Variants in TACC2 observed in about 807,000 individuals in gnomAD.
TACC2 encodes the protein transforming acidic coiled-coil containing protein 2.
A neutral mutation model predicts 227.3 loss-of-function variants in TACC2; 137 were observed. The ratio of observed to expected loss-of-function variants is 0.60; its 90% CI spans 0.52 to 0.69. TACC2 has a LOEUF of 0.69. Ranked by LOEUF, TACC2 falls within the 30% of genes least tolerant of loss-of-function variation. TACC2 has a pLI of 0.00. For missense variants in TACC2, 3,470 were observed against 3,694.4 expected (o/e 0.94, Z 1.57); for synonymous variants, 1,523 against 1,487.5 (o/e 1.02, Z -0.55).
chr10:122,134,790 G>A (rs902318520), intron 6 of TACC2, among the ~76,000 whole-genome samples: 5 of 152,216 alleles, frequency 3.3e-5, no homozygotes, highest in African/African-American at 1.2e-4. Context: ...GCGGGGGCAC[G>A]AGGAAGCTCT....
chr10:122,198,780 C>T (rs962063067), intron 8 of TACC2, among the ~76,000 whole-genome samples: 27 of 152,220 alleles, frequency 1.8e-4, no homozygotes, highest in African/African-American at 2.7e-4. Context: ...TGCCTTTGTG[C>T]GCCTAGCCTG....
In TACC2 at chr10:122,249,582, A is replaced by G. The variant is rs1316975899; in HGVS notation, c.8699A>G (p.Gln2900Arg). The G allele has an allele frequency of 1.2e-6, 2 of 1,614,184 alleles. No individual in the cohort carries two copies. Among genetic ancestry groups the G allele is most frequent in the South Asian group, 1.1e-5 (1 of 91,078 alleles). ...AEIAQVRGKA[Q>R]QEQAAHQASL... ...ATTGCTCAGGTTCGAGGCAAGGCCC[A>G]GCAGGAGCAAGCCGCCCACCAGGCC... The change falls in exon 22 of 23, where the codon CAG becomes CGG. Residue 2900 changes from glutamine (Q) to arginine (R), a missense_variant. Coordinates refer to ENST00000369005, the MANE Select transcript of TACC2 (RefSeq NM_206862.4).
intron 11 of TACC2, among the ~76,000 whole-genome samples, chr10:122,222,457 G>A (rs7072025): frequency 0.21 from 31,916 of 152,176 alleles, 3,691 homozygotes; most frequent in African/African-American, 0.31. Flanking sequence ...GATTGATGGG[G>A]AGGAGTGCGG....
intron 5 of TACC2, among the ~76,000 whole-genome samples, chr10:122,128,585 GAGTAC>G (rs2087344767): frequency 6.6e-6 from 1 of 152,202 alleles, no homozygotes; most frequent in Non-Finnish European, 1.5e-5. Context: ...TGGAAAATAT[GAGTAC>G]AGAAGTGGGG....
intron 4 of TACC2, 32 bp downstream of exon 4, chr10:122,087,991 T>G: frequency 6.7e-7 from 1 of 1,492,726 alleles, no homozygotes; most frequent in Non-Finnish European, 8.9e-7. Flanking sequence ...CACGGGAATG[T>G]GTGGTCAGTT....
At chr10:122,137,008 T>C (rs1321936977) in intron 6 of TACC2, among the ~76,000 whole-genome samples, 2 of 151,546 alleles carry the variant, frequency 1.3e-5, no homozygotes, top group African/African-American at 4.8e-5. Context: ...TCAAGAGCTC[T>C]TTTTTTTTCT....
chr10:122,082,913 C>T lies in TACC2; in HGVS notation c.413C>T (p.Pro138Leu). The change falls in exon 4 of 23, where the codon CCC (proline) becomes CTC (leucine). Residue 138 changes from proline to leucine, a missense_variant. Transcript: ENST00000369005. ...APEDGPQTQS[P>L]RREPAPNAPG... is the part of the protein sequence containing the mutation. Reference sequence around the variant, plus strand: ...GAAGATGGTCCTCAGACTCAGTCTCCCAGGAGGGAACCTGCCCCAAATGCC... The same window carrying T: ...GAAGATGGTCCTCAGACTCAGTCTCTCAGGAGGGAACCTGCCCCAAATGCC... The T allele has an allele frequency of 1.2e-6, 2 of 1,613,178 alleles. No individual in the cohort carries two copies. Among genetic ancestry groups the T allele is most frequent in the Non-Finnish European group, 1.7e-6 (2 of 1,180,020 alleles).
chr10:122,025,750 A>G (rs1957914237), intron 2 of TACC2, among the ~76,000 whole-genome samples: 1 of 149,100 alleles, frequency 6.7e-6, no homozygotes, highest in Admixed American at 6.7e-5. Flanking sequence ...AATTTTTTGT[A>G]TTTTTAGTAG....
intron 1 of TACC2, among the ~76,000 whole-genome samples, chr10:122,017,589 G>A (rs1395073951): frequency 6.6e-6 from 1 of 152,136 alleles, no homozygotes; most frequent in East Asian, 1.9e-4. Flanking sequence ...GGCTGAGGCA[G>A]GCGGATCGCT....
intron 8 of TACC2, among the ~76,000 whole-genome samples, chr10:122,206,621 G>C (rs935491156): frequency 6.6e-6 from 1 of 152,192 alleles, no homozygotes; most frequent in Non-Finnish European, 1.5e-5. Context: ...GGTTTAAACC[G>C]CCCAGTCTGT....
In TACC2 at chr10:122,141,127, C is replaced by T. The variant is rs1330300290; in HGVS notation, c.5700-2445C>T. Among the ~76,000 whole-genome samples, 1 of 152,036 alleles carries T rather than the reference C, an allele frequency of 6.6e-6. No homozygotes were observed. The highest frequency in any genetic ancestry group is 2.4e-5 in the African/African-American group (1 of 41,370). ...AGAGAACTGGAAGTCAGTGCCAGGGCCTGGCGGGCTGATGGTGCCACTACC... is the reference window on the plus strand; with the variant it reads ...AGAGAACTGGAAGTCAGTGCCAGGGTCTGGCGGGCTGATGGTGCCACTACC... On this transcript the variant is annotated intron_variant, in intron 6 of 22. Coordinates refer to ENST00000369005, the MANE Select transcript of TACC2 (RefSeq NM_206862.4). The surrounding 1 kb of genome is among the most constrained non-coding windows in gnomAD (Gnocchi z 4.3).
chr10:122,227,618 G>A (rs1370568240), intron 13 of TACC2, among the ~76,000 whole-genome samples: 1 of 152,162 alleles, frequency 6.6e-6, no homozygotes, highest in African/African-American at 2.4e-5. Context: ...GCAGAGCTCG[G>A]GTCTGTAGCC....
chr10:122,152,483 C>T (rs1226294886), intron 7 of TACC2, among the ~76,000 whole-genome samples: 1 of 152,206 alleles, frequency 6.6e-6, no homozygotes, highest in Non-Finnish European at 1.5e-5. Context: ...TGTACTAACC[C>T]CATATGTGTC....
chr10:122,092,189 C>G (rs1167114092), intron 5 of TACC2, among the ~76,000 whole-genome samples: 1 of 152,162 alleles, frequency 6.6e-6, no homozygotes, highest in African/African-American at 2.4e-5. Flanking sequence ...CTTTCTTTTC[C>G]AGCGTTGAAT....
intron 20 of TACC2, 49 bp downstream of exon 20, chr10:122,248,852 G>A: frequency 6.2e-7 from 1 of 1,607,808 alleles, no homozygotes; most frequent in Non-Finnish European, 8.5e-7. Context: ...GATTGGGAGA[G>A]ATTGTGGGAG....
intron 8 of TACC2, among the ~76,000 whole-genome samples, chr10:122,196,932 TCAAAAAAAAAAAAAAAAAA>T (rs1347199424): frequency 1.3e-4 from 4 of 31,612 alleles, no homozygotes; most frequent in African/African-American, 4.7e-4. Flanking sequence ...CGAGTCCGTC[TCAAAAAAAAAAAAAAAAAA>T]CAAAAAAACA....
chr10:122,169,510 A>G (rs1012602014), intron 7 of TACC2, among the ~76,000 whole-genome samples: 2 of 152,218 alleles, frequency 1.3e-5, no homozygotes, highest in African/African-American at 4.8e-5. Flanking sequence ...AAGCAGCCAG[A>G]GACAACATGT....
chr10:121,993,878 C>T (rs933175155), intron 1 of TACC2, among the ~76,000 whole-genome samples: 1 of 152,126 alleles, frequency 6.6e-6, no homozygotes, highest in African/African-American at 2.4e-5. Flanking sequence ...AAGTGATTTG[C>T]CCTCTTTGGC....
chr10:122,026,162 CA>C (rs777120162), intron 2 of TACC2, among the ~76,000 whole-genome samples: 45,111 of 95,940 alleles, frequency 0.47, 7,483 homozygotes, highest in Admixed American at 0.52. Flanking sequence ...ACTAAAAATC[CA>C]AAAAAAAAAA....
Sources: gnomAD v4.1 joint callset for allele counts (sites outside exome capture counted in the v4.1 genomes callset) on GRCh38, gnomAD v4.1.1 for gene constraint, Gnocchi (gnomAD v3.1) non-coding constraint, MANE v1.5 for transcripts, NCBI Gene and HGNC (gene_info 2026-07-23, HGNC 2026-07-21) for gene names.